Variants in TNS3 observed in about 807,000 individuals in gnomAD.
The protein encoded by TNS3 is tensin-3.
Under a neutral mutation model 140.9 loss-of-function variants are expected in TNS3, and 45 were observed. The ratio of observed to expected loss-of-function variants is 0.32; its 90% CI spans 0.25 to 0.41. The LOEUF is 0.41. Among genes scored for constraint, TNS3 ranks in the 10% least tolerant of loss-of-function variants. The pLI is 1.00. For synonymous variants in TNS3, 815 were observed against 788.4 expected (o/e 1.03, Z -0.56); for missense variants, 1,716 against 1,906.7 (o/e 0.90, Z 1.86).
At chr7:47,338,814 C>T (rs978445482) in intron 20 of TNS3, among the ~76,000 whole-genome samples, 6 of 152,098 alleles carry the variant, frequency 3.9e-5, no homozygotes, top group Admixed American at 6.5e-5. Context: ...CAAGTGCATG[C>T]GTCTTTTTGG....
At chr7:47,300,549 G>A (rs1562773522) in intron 23 of TNS3, among the ~76,000 whole-genome samples, 1 of 152,200 alleles carries the variant, frequency 6.6e-6, no homozygotes, top group African/African-American at 2.4e-5. Flanking sequence ...CTACCCTGCC[G>A]AGGAAGCCAG....
chr7:47,384,677 T>C (rs1791971999), intron 16 of TNS3, among the ~76,000 whole-genome samples: 1 of 152,200 alleles, frequency 6.6e-6, no homozygotes, highest in Admixed American at 6.5e-5. Context: ...CCGCTACAGC[T>C]CCCTGGCTCC....
At chr7:47,558,163 G>A (rs1204958086) in intron 1 of TNS3, among the ~76,000 whole-genome samples, 3 of 152,132 alleles carry the variant, frequency 2.0e-5, no homozygotes, top group Non-Finnish European at 4.4e-5. Flanking sequence ...GAGGGAGCCC[G>A]ATTCTAGCAT....
rs1475586162 is a variant in TNS3, at chr7:47,578,564, G to C, written c.-265+3487C>G. Among the ~76,000 whole-genome samples, 8 of 152,128 alleles carry C rather than the reference G, an allele frequency of 5.3e-5. No homozygotes were observed. The East Asian group carries it at 1.6e-3, about 30-fold the overall frequency. On this transcript the variant is annotated intron_variant, in intron 1 of 30. Coordinates refer to ENST00000311160, the MANE Select transcript of TNS3 (RefSeq NM_022748.12). ...AGGTGCATGGGGCAGGGGGTTGGGG[G>C]GGGGCGGTGGTTAGAGGTGTGTCTA...
chr7:47,417,316 T>C (rs1325219041), intron 10 of TNS3, among the ~76,000 whole-genome samples: 2 of 152,262 alleles, frequency 1.3e-5, no homozygotes, highest in Non-Finnish European at 2.9e-5. Context: ...TGATGTGGCC[T>C]GGCCGAAATT....
chr7:47,288,685 G>A (rs2150586783), intron 27 of TNS3, among the ~76,000 whole-genome samples: 1 of 152,334 alleles, frequency 6.6e-6, no homozygotes, highest in East Asian at 1.9e-4. Context: ...TTTAGGGGCT[G>A]TGGCCCAGGA....
intron 17 of TNS3, among the ~76,000 whole-genome samples, chr7:47,365,889 A>G (rs1171615569): frequency 5.3e-5 from 8 of 152,372 alleles, no homozygotes; most frequent in Admixed American, 3.3e-4. Context: ...CAGCAAGAAC[A>G]GGGAATCACT....
intron 4 of TNS3, chr7:47,452,911 A>C (rs1361168958): frequency 1.0e-6 from 1 of 985,376 alleles, no homozygotes; most frequent in African/African-American, 1.7e-5. Flanking sequence ...GAGAGGCGGC[A>C]CGTGGGGAGT....
chr7:47,475,955 G>A (rs1333935670), intron 4 of TNS3, among the ~76,000 whole-genome samples: 5 of 152,272 alleles, frequency 3.3e-5, no homozygotes, highest in Admixed American at 6.5e-5. Flanking sequence ...CAGGGGACAC[G>A]CTCTGGAACT....
chr7:47,413,161 C>A (rs1562708252), intron 12 of TNS3, among the ~76,000 whole-genome samples: 1 of 151,370 alleles, frequency 6.6e-6, no homozygotes, highest in African/African-American at 2.4e-5. Flanking sequence ...ACCATATTGG[C>A]CAGGATGGTC....
chr7:47,494,277 C>T (rs1422393550), intron 3 of TNS3, among the ~76,000 whole-genome samples: 4 of 152,218 alleles, frequency 2.6e-5, no homozygotes, highest in Non-Finnish European at 4.4e-5. Context: ...TTCCTACTGA[C>T]CCCACCCATT....
chr7:47,317,065 T>C (rs1368125831), intron 20 of TNS3, among the ~76,000 whole-genome samples: 3 of 152,260 alleles, frequency 2.0e-5, no homozygotes, highest in Non-Finnish European at 4.4e-5. Context: ...AAAATCCTGA[T>C]GTCAACATAA....
intron 4 of TNS3, among the ~76,000 whole-genome samples, chr7:47,446,725 T>A (rs1461485075): frequency 7.4e-6 from 1 of 135,654 alleles, no homozygotes; most frequent in Non-Finnish European, 1.6e-5. Context: ...AGTCTCACTG[T>A]CGCCCAGGCT....
At chr7:47,305,141 A>G (rs1003822732) in intron 20 of TNS3, 138 bp from the exon 21 acceptor site, 6 of 607,746 alleles carry the variant, frequency 9.9e-6, no homozygotes, top group African/African-American at 3.8e-5. Context: ...ACTGAACATG[A>G]CATCACTACC....
chr7:47,566,920 T>C (rs553807056), intron 1 of TNS3, among the ~76,000 whole-genome samples: 4 of 149,618 alleles, frequency 2.7e-5, no homozygotes, highest in African/African-American at 7.4e-5. Context: ...TGTGTGCCTA[T>C]AGTCCCAGCT....
In TNS3 at chr7:47,441,991, A is replaced by C; in HGVS notation, c.-23+12T>G. 7.8e-7 allele frequency: 1 copy of C among 1,290,270 alleles called. No individual in the cohort carries two copies. Among genetic ancestry groups the C allele is most frequent in the Non-Finnish European group, 1.0e-6 (1 of 988,888 alleles). The allele number at this position is 1,290,270 out of a possible 1,614,324, so 79.9% of individuals were successfully genotyped here. On this transcript the variant is annotated intron_variant, in intron 5 of 30. Transcript: ENST00000311160. ...AGAGACACAGGAATGCATGACCCAC[A>C]CAGACACTCACCGCAGAGGTTTATC...
At chr7:47,532,113 G>A (rs551918782) in intron 1 of TNS3, among the ~76,000 whole-genome samples, 14 of 152,016 alleles carry the variant, frequency 9.2e-5, no homozygotes, top group African/African-American at 3.1e-4. Context: ...TATTCTGGCT[G>A]CCTGGCCTGT....
intron 2 of TNS3, among the ~76,000 whole-genome samples, chr7:47,508,836 G>T (rs1798508963): frequency 6.6e-6 from 1 of 152,164 alleles, no homozygotes; most frequent in Non-Finnish European, 1.5e-5. Context: ...CACTCAAGCA[G>T]CCCTGTGGAG....
At chr7:47,448,811 C>A (rs1274242301) in intron 4 of TNS3, among the ~76,000 whole-genome samples, 1 of 152,116 alleles carries the variant, frequency 6.6e-6, no homozygotes, top group Non-Finnish European at 1.5e-5. Flanking sequence ...TGTCCTTCGA[C>A]TGCTTGTTTG....
Sources: gnomAD v4.1 joint callset for allele counts (sites outside exome capture counted in the v4.1 genomes callset) on GRCh38, gnomAD v4.1.1 for gene constraint, MANE v1.5 for transcripts, NCBI Gene and HGNC (gene_info 2026-07-23, HGNC 2026-07-21) for gene names.